Variants in MFSD6 observed in about 807,000 individuals in gnomAD.
The protein encoded by MFSD6 is major facilitator superfamily domain containing 6, also known as major facilitator superfamily domain-containing protein 6.
A neutral mutation model predicts 56.3 loss-of-function variants in MFSD6; 26 were observed. That is an observed-to-expected ratio of 0.46 (90% CI 0.34 to 0.64). MFSD6 has a LOEUF of 0.64. MFSD6 is among the 30% of genes least tolerant of loss of function. The pLI, the probability that MFSD6 is intolerant of heterozygous loss-of-function variation, is 0.01. For missense variants in MFSD6, 750 were observed against 986.2 expected (o/e 0.76, Z 3.21); for synonymous variants, 331 against 366.9 (o/e 0.90, Z 1.12).
At chr2:190,475,180 C>T (rs1237445006) in intron 4 of MFSD6, among the ~76,000 whole-genome samples, 3 of 152,196 alleles carry the variant, frequency 2.0e-5, no homozygotes, top group East Asian at 3.8e-4. Flanking sequence ...TCTCTCACCA[C>T]TCCTATTCAA....
intron 4 of MFSD6, among the ~76,000 whole-genome samples, chr2:190,483,579 G>A (rs183787054): frequency 2.3e-4 from 35 of 152,216 alleles, no homozygotes; most frequent in African/African-American, 6.5e-4. Context: ...GCTCACGCCC[G>A]TAATCCCAGC....
chr2:190,441,360 G>C (rs1453733498), intron 3 of MFSD6, among the ~76,000 whole-genome samples: 1 of 151,578 alleles, frequency 6.6e-6, no homozygotes, highest in Non-Finnish European at 1.5e-5. Context: ...TTCTAGGGGT[G>C]TACCGAGGCA....
intron 4 of MFSD6, among the ~76,000 whole-genome samples, chr2:190,482,916 A>C (rs1457475453): frequency 4.9e-5 from 4 of 81,622 alleles, no homozygotes; most frequent in African/African-American, 1.9e-4. Context: ...ACGGAGTCTC[A>C]CTCTGTCGCC....
chr2:190,472,026 G>A (rs1246988366), intron 4 of MFSD6, among the ~76,000 whole-genome samples: 1 of 152,188 alleles, frequency 6.6e-6, no homozygotes, highest in Non-Finnish European at 1.5e-5. Context: ...TGCAGCTGAG[G>A]CTCCTGACTG....
chr2:190,412,975 TAATA>T lies in MFSD6; in HGVS notation c.-175-2311_-175-2308del, dbSNP rs1690621555. On this transcript the variant is annotated intron_variant, in intron 1 of 7. Coordinates refer to ENST00000392328, the MANE Select transcript of MFSD6 (RefSeq NM_017694.4). This position sits in a 1 kb window ranked among gnomAD's most constrained non-coding sequence, Gnocchi z 4.1. ...GGCCAAAACAGAAAAGCCAACCAAA[TAATA>T]AATAATTACAAACGTGGAACACCTA... 6.6e-6 allele frequency among the ~76,000 whole-genome samples: 1 copy of T among 152,162 alleles called. No homozygotes were observed. The highest frequency in any genetic ancestry group is 1.5e-5 in the Non-Finnish European group (1 of 68,018).
chr2:190,432,721 T>C (rs4853704), intron 2 of MFSD6, among the ~76,000 whole-genome samples: 134,816 of 152,092 alleles, frequency 0.89, 60,205 homozygotes, highest in East Asian at 1. Flanking sequence ...CTGGCCAAAA[T>C]CTCTGTGTTT....
rs1012842026 is a variant in MFSD6 at position 190,499,455 on chromosome 2, T to C, written c.2173-560T>C. Reference sequence around the variant, plus strand: ...ACAGTTGGTTACACAAGTGCTTGTTTACATTCACTTCTTTATGTGGATGTT... The same window carrying C: ...ACAGTTGGTTACACAAGTGCTTGTTCACATTCACTTCTTTATGTGGATGTT... On this transcript the variant is annotated intron_variant, in intron 7 of 7. Coordinates refer to ENST00000392328, the MANE Select transcript of MFSD6 (RefSeq NM_017694.4). This position sits in a 1 kb window ranked among gnomAD's most constrained non-coding sequence, Gnocchi z 6.0. 2.0e-5 allele frequency among the ~76,000 whole-genome samples: 3 copies of C among 152,248 alleles called. No homozygotes were observed. Among genetic ancestry groups the C allele is most frequent in the African/African-American group, 7.2e-5 (3 of 41,462 alleles).
chr2:190,454,331 T>C lies in MFSD6; in HGVS notation c.1533-15427T>C, dbSNP rs1012844433. 6.6e-6 allele frequency: 1 copy of C among 152,096 alleles called. No individual in the cohort carries two copies. The highest frequency in any genetic ancestry group is 1.9e-4 in the East Asian group (1 of 5,190). The allele number at this position is 152,096 out of a possible 1,614,324, so 9.4% of individuals were successfully genotyped here. A position where few individuals can be genotyped will look rare whatever the true frequency, so the allele number is the denominator to read the frequency against. On this transcript the variant is annotated intron_variant, in intron 3 of 7. Coordinates refer to ENST00000392328, the MANE Select transcript of MFSD6 (RefSeq NM_017694.4). The surrounding 1 kb of genome is among the most constrained non-coding windows in gnomAD (Gnocchi z 4.6). ...ATTAAAGATAGAGATAAGAAGCATT[T>C]TTCTATGGACTGAATGGTGTCCCCC...
chr2:190,477,647 G>C (rs1251092778), intron 4 of MFSD6, among the ~76,000 whole-genome samples: 1 of 152,198 alleles, frequency 6.6e-6, no homozygotes, highest in East Asian at 1.9e-4. Flanking sequence ...CATGCTGGGT[G>C]CTGAGAATGT....
rs1180483126 is a variant in MFSD6, at chr2:190,438,777, T to C, written c.1532+1216T>C. Among the ~76,000 whole-genome samples the C allele has an allele frequency of 2.6e-5, 4 of 152,238 alleles. No homozygotes were observed. Among genetic ancestry groups the C allele is most frequent in the Non-Finnish European group, 5.9e-5 (4 of 68,042 alleles). On this transcript the variant is annotated intron_variant, in intron 3 of 7. Coordinates refer to ENST00000392328, the MANE Select transcript of MFSD6 (RefSeq NM_017694.4). The surrounding 1 kb of genome is among the most constrained non-coding windows in gnomAD (Gnocchi z 5.2). ...TCTATAAGAAATTAAAGAGGAGAAA[T>C]AGACAATGACAAGATTTGACAATCC...
chr2:190,439,633 C>A lies in MFSD6; in HGVS notation c.1532+2072C>A, dbSNP rs114309873. Reference sequence around the variant, plus strand: ...GTGTAGTATTAGTTACTCATCATTTCAAAATTCACTTAACCTTAATTTTCT... The same window carrying A: ...GTGTAGTATTAGTTACTCATCATTTAAAAATTCACTTAACCTTAATTTTCT... On this transcript the variant is annotated intron_variant, in intron 3 of 7. Transcript: ENST00000392328. This position sits in a 1 kb window ranked among gnomAD's most constrained non-coding sequence, Gnocchi z 5.8. Among the ~76,000 whole-genome samples, 158 of 152,260 alleles carry A rather than the reference C, an allele frequency of 1.0e-3. 1 individual carries two copies. The highest frequency in any genetic ancestry group is 3.7e-3 in the African/African-American group (154 of 41,550).
rs544696155 is a variant in MFSD6, at chr2:190,413,038, A to G, written c.-175-2254A>G. Among the ~76,000 whole-genome samples, 3 of 152,334 alleles carry G rather than the reference A, an allele frequency of 2.0e-5. No homozygotes were observed. The highest frequency in any genetic ancestry group is 2.0e-4 in the Admixed American group (3 of 15,292). On this transcript the variant is annotated intron_variant, in intron 1 of 7. Coordinates refer to ENST00000392328, the MANE Select transcript of MFSD6 (RefSeq NM_017694.4). This position sits in a 1 kb window ranked among gnomAD's most constrained non-coding sequence, Gnocchi z 4.1. ...GCCTATATGTTAATATGTGTCTGCTATAGTTACTGGTTGCTATGTTATGGC... is the reference window on the plus strand; with the variant it reads ...GCCTATATGTTAATATGTGTCTGCTGTAGTTACTGGTTGCTATGTTATGGC...
At chr2:190,440,405 T>C (rs1686330084) in intron 3 of MFSD6, among the ~76,000 whole-genome samples, 1 of 152,244 alleles carries the variant, frequency 6.6e-6, no homozygotes, top group African/African-American at 2.4e-5. Flanking sequence ...ATAATAATGC[T>C]AAATATTTCC....
In MFSD6 at chr2:190,457,252, G is replaced by A. The variant is rs1176576994; in HGVS notation, c.1533-12506G>A. Among the ~76,000 whole-genome samples, 1 of 152,146 alleles carries A rather than the reference G, an allele frequency of 6.6e-6. No homozygotes were observed. Among genetic ancestry groups the A allele is most frequent in the East Asian group, 1.9e-4 (1 of 5,202 alleles). ...CTGGCCAACCGACTTTGTGGCCCCG[G>A]TCCACCCCTGTGGCCCTCTCCTTCC... is the stretch of plus-strand genomic sequence containing the variant. On this transcript the variant is annotated intron_variant, in intron 3 of 7. Coordinates refer to ENST00000392328, the MANE Select transcript of MFSD6 (RefSeq NM_017694.4). The surrounding 1 kb of genome is among the most constrained non-coding windows in gnomAD (Gnocchi z 5.1).
chr2:190,446,373 A>C (rs1686584307), intron 3 of MFSD6, among the ~76,000 whole-genome samples: 1 of 152,238 alleles, frequency 6.6e-6, no homozygotes, highest in African/African-American at 2.4e-5. Context: ...ACTGCCTGCC[A>C]GAGTGTTCTG....
rs1388860625 is a variant in MFSD6 at position 190,439,201 on chromosome 2, T to G, written c.1532+1640T>G. ...GAGCAAATCTCACTGCAGTTAATAA[T>G]GTCTTTAAAATCACTGTTATTCATT... is the stretch of plus-strand genomic sequence containing the variant. On this transcript the variant is annotated intron_variant, in intron 3 of 7. Transcript: ENST00000392328. This position sits in a 1 kb window ranked among gnomAD's most constrained non-coding sequence, Gnocchi z 5.8. 6.6e-6 allele frequency among the ~76,000 whole-genome samples: 1 copy of G among 152,058 alleles called. No homozygotes were observed. The highest frequency in any genetic ancestry group is 2.4e-5 in the African/African-American group (1 of 41,402).
intron 3 of MFSD6, among the ~76,000 whole-genome samples, chr2:190,446,431 C>G (rs1227980405): frequency 6.6e-6 from 1 of 152,152 alleles, no homozygotes; most frequent in Admixed American, 6.6e-5. Flanking sequence ...CCTATAGTTC[C>G]AACTGCTACA....
chr2:190,441,438 A>G (rs1172261920), intron 3 of MFSD6, among the ~76,000 whole-genome samples: 1 of 144,544 alleles, frequency 6.9e-6, no homozygotes, highest in Non-Finnish European at 1.5e-5. Flanking sequence ...CACCAGGCTA[A>G]TGGGAGGCAT....
Position 190,451,411 on chromosome 2 carries a change from T to C in MFSD6, c.1532+13850T>C, listed in dbSNP as rs1324894905. 6.6e-6 allele frequency among the ~76,000 whole-genome samples: 1 copy of C among 152,232 alleles called. No individual in the cohort carries two copies. Among genetic ancestry groups the C allele is most frequent in the Non-Finnish European group, 1.5e-5 (1 of 68,030 alleles). ...ATTCATTCCTCCAACAAGTATTTAT[T>C]AAACACACTGGGTGACAGGCACTGT... On this transcript the variant is annotated intron_variant, in intron 3 of 7. Coordinates refer to ENST00000392328, the MANE Select transcript of MFSD6 (RefSeq NM_017694.4). The surrounding 1 kb of genome is among the most constrained non-coding windows in gnomAD (Gnocchi z 5.0).
Sources: gnomAD v4.1 joint callset for allele counts (sites outside exome capture counted in the v4.1 genomes callset) on GRCh38, gnomAD v4.1.1 for gene constraint, Gnocchi (gnomAD v3.1) non-coding constraint, MANE v1.5 for transcripts, NCBI Gene and HGNC (gene_info 2026-07-23, HGNC 2026-07-21) for gene names.